ADGRL3: variants seen among roughly 807,000 people sequenced by gnomAD.
The protein encoded by ADGRL3 is calcium-independent alpha-latrotoxin receptor 3.
In ADGRL3, 62 loss-of-function variants were observed where a neutral mutation model predicts 153.5. The ratio of observed to expected loss-of-function variants is 0.40; its 90% CI spans 0.33 to 0.50. The LOEUF is 0.50. Among genes scored for constraint, ADGRL3 ranks in the 20% least tolerant of loss-of-function variants. The pLI is 0.47. For missense variants in ADGRL3, 1,641 were observed against 1,859.4 expected, an observed-to-expected ratio of 0.88 and a Z score of 2.16; for synonymous variants, 710 against 672.5, an observed-to-expected ratio of 1.06 and a Z score of -0.86.
In ADGRL3 at chr4:62,070,698, C is replaced by T. The variant is rs764031544; in HGVS notation, c.4422C>T (p.Thr1474=). The part of the protein sequence containing the change: ...ATESVTTSTQ[T]EPPPAKCGDA... ...AGAGTGTTACCACCAGCACCCAGAC[C>T]GAACCCCCACCGGCCAAATGTGGTG... The change falls in exon 27 of 27, where the codon ACC becomes ACT. Residue 1474 remains threonine (T), a synonymous_variant. Coordinates refer to ENST00000683033, the MANE Select transcript of ADGRL3 (RefSeq NM_001387552.1). 14 of 1,551,258 alleles carry T rather than the reference C, an allele frequency of 9.0e-6. No individual in the cohort carries two copies. Among genetic ancestry groups the T allele is most frequent in the East Asian group, 4.9e-5 (2 of 40,914 alleles).
chr4:61,284,631 A>G (rs775745652), intron 1 of ADGRL3, among the ~76,000 whole-genome samples: 1 of 151,888 alleles, frequency 6.6e-6, no homozygotes, highest in Non-Finnish European at 1.5e-5. Flanking sequence ...TTATTACTAA[A>G]TACATTTAAT....
intron 1 of ADGRL3, among the ~76,000 whole-genome samples, chr4:61,297,825 GCCACCA>G (rs147721915): frequency 2.0e-5 from 3 of 151,342 alleles, no homozygotes; most frequent in Non-Finnish European, 2.9e-5. Flanking sequence ...CACTACCGTC[GCCACCA>G]CCACCACCAC....
intron 1 of ADGRL3, among the ~76,000 whole-genome samples, chr4:61,313,321 C>G (rs1000013350): frequency 1.6e-4 from 24 of 152,146 alleles, no homozygotes; most frequent in African/African-American, 2.4e-5. Flanking sequence ...CTGATACATG[C>G]CACTATACAT....
intron 19 of ADGRL3, among the ~76,000 whole-genome samples, chr4:61,994,295 G>C (rs2099114200): frequency 6.6e-6 from 1 of 151,948 alleles, no homozygotes; most frequent in South Asian, 2.1e-4. Context: ...CCACAGGCAT[G>C]CATCACCATC....
intron 5 of ADGRL3, among the ~76,000 whole-genome samples, chr4:61,652,788 G>T (rs1446556053): frequency 1.3e-5 from 2 of 152,080 alleles, no homozygotes; most frequent in African/African-American, 4.8e-5. Flanking sequence ...TCATAAAACT[G>T]CTATTAATAG....
At chr4:61,325,433 T>C (rs2095444630) in intron 1 of ADGRL3, among the ~76,000 whole-genome samples, 1 of 152,250 alleles carries the variant, frequency 6.6e-6, no homozygotes, top group Non-Finnish European at 1.5e-5. Flanking sequence ...GCTCATATAT[T>C]AATGCAGTAG....
rs1554048270 is a variant in ADGRL3, at chr4:61,856,950, C to CCCTT, written c.1481-35706_1481-35705insCCTT. Among the ~76,000 whole-genome samples the CCCTT allele has an allele frequency of 2.8e-4, 16 of 57,000 alleles. No homozygotes were observed. In the South Asian group the frequency reaches 4.8e-3, roughly 17 times the overall value. The allele number at this position is 57,000 out of a possible 152,430, so 37.4% of individuals were successfully genotyped here. A position where few individuals can be genotyped will look rare whatever the true frequency, so the allele number is the denominator to read the frequency against. On this transcript the variant is annotated intron_variant, in intron 9 of 26. Coordinates refer to ENST00000683033, the MANE Select transcript of ADGRL3 (RefSeq NM_001387552.1). The stretch of plus-strand genomic sequence containing the variant: ...CCCTCCCTCCTCCCTCTTTCTTCTT[C>CCCTT]TCTTTCTTTCTTTCTTTCTTTCTTT...
At chr4:61,328,468 C>T (rs926869205) in intron 1 of ADGRL3, among the ~76,000 whole-genome samples, 6 of 152,022 alleles carry the variant, frequency 3.9e-5, no homozygotes, top group Non-Finnish European at 8.8e-5. Context: ...AAGGAAAAGG[C>T]AGAAACACAG....
At chr4:61,598,264 T>A (rs74468009) in intron 5 of ADGRL3, among the ~76,000 whole-genome samples, 5,864 of 152,226 alleles carry the variant, frequency 0.039, 216 homozygotes, top group East Asian at 0.21. Context: ...CAAACCGACA[T>A]GGATACTGGA....
chr4:61,673,849 T>C (rs535910220), intron 5 of ADGRL3, among the ~76,000 whole-genome samples: 1 of 151,106 alleles, frequency 6.6e-6, no homozygotes, highest in East Asian at 1.9e-4. Context: ...ATAAATTATT[T>C]TGAAAGGTGA....
intron 23 of ADGRL3, among the ~76,000 whole-genome samples, chr4:62,032,977 G>C (rs1227217803): frequency 6.6e-6 from 1 of 151,452 alleles, no homozygotes; most frequent in Non-Finnish European, 1.5e-5. Flanking sequence ...TGCTATAACA[G>C]GATATTTAAA....
intron 18 of ADGRL3, among the ~76,000 whole-genome samples, chr4:61,983,070 T>G (rs907330132): frequency 6.6e-6 from 1 of 152,138 alleles, no homozygotes; most frequent in Non-Finnish European, 1.5e-5. Flanking sequence ...AAAATCTATT[T>G]TAAAATATTT....
intron 17 of ADGRL3, among the ~76,000 whole-genome samples, chr4:61,951,729 A>G (rs545449959): frequency 2.0e-5 from 3 of 151,930 alleles, no homozygotes; most frequent in Non-Finnish European, 4.4e-5. Context: ...GCTGGGCGTG[A>G]TGGTGCATGC....
chr4:62,035,587 C>T (rs1242777403), intron 23 of ADGRL3, among the ~76,000 whole-genome samples: 1 of 152,012 alleles, frequency 6.6e-6, no homozygotes, highest in African/African-American at 2.4e-5. Flanking sequence ...ATAATGCTTA[C>T]TTTTGGTTAG....
chr4:61,486,650 C>T (rs1240854650), intron 2 of ADGRL3, among the ~76,000 whole-genome samples: 5 of 152,192 alleles, frequency 3.3e-5, no homozygotes. Flanking sequence ...AGAATAATCT[C>T]AGTTCCCTTT....
intron 6 of ADGRL3, among the ~76,000 whole-genome samples, chr4:61,681,542 A>T (rs954423854): frequency 1.3e-5 from 2 of 152,084 alleles, no homozygotes; most frequent in Admixed American, 1.3e-4. Context: ...AGCACTTAAG[A>T]CTTTCTCACT....
At chr4:61,459,404 A>G (rs979760152) in intron 2 of ADGRL3, among the ~76,000 whole-genome samples, 5 of 152,134 alleles carry the variant, frequency 3.3e-5, no homozygotes, top group Non-Finnish European at 5.9e-5. Context: ...TATGTAAGAT[A>G]TTAATAAATG....
intron 9 of ADGRL3, among the ~76,000 whole-genome samples, chr4:61,839,991 C>T (rs2098003833): frequency 6.6e-6 from 1 of 151,306 alleles, no homozygotes; most frequent in African/African-American, 2.4e-5. Flanking sequence ...AAAGCAAATC[C>T]AGGTTCTTCT....
At chr4:62,048,326 G>A (rs1195117393) in intron 25 of ADGRL3, among the ~76,000 whole-genome samples, 1 of 152,006 alleles carries the variant, frequency 6.6e-6, no homozygotes, top group Non-Finnish European at 1.5e-5. Flanking sequence ...TCAGTGGCAT[G>A]ATCTCAGCTC....
Sources: gnomAD v4.1 joint callset for allele counts (sites outside exome capture counted in the v4.1 genomes callset) on GRCh38, gnomAD v4.1.1 for gene constraint, MANE v1.5 for transcripts, NCBI Gene and HGNC (gene_info 2026-07-23, HGNC 2026-07-21) for gene names.